Variants in SOX5 observed in about 807,000 individuals in gnomAD.
SOX5 encodes SRY-box transcription factor 5, also known as transcription factor SOX-5.
A neutral mutation model predicts 92.0 loss-of-function variants in SOX5; 9 were observed. That is an observed-to-expected ratio of 0.10 (90% CI 0.06 to 0.17). The LOEUF is 0.17. SOX5 is among the 10% of genes least tolerant of loss of function. SOX5 has a pLI of 1.00. For synonymous variants in SOX5, 344 were observed against 336.3 expected, an observed-to-expected ratio of 1.02 and a Z score of -0.25; for missense variants, 642 against 944.5, an observed-to-expected ratio of 0.68 and a Z score of 4.20.
chr12:24,145,291 G>A (rs66614495), intron 4 of SOX5, among the ~76,000 whole-genome samples: 17,365 of 151,596 alleles, frequency 0.11, 1,299 homozygotes, highest in East Asian at 0.34. Context: ...AAAACAAATG[G>A]GACAAATAGA....
chr12:23,860,016 G>A (rs1010686934), intron 2 of SOX5, among the ~76,000 whole-genome samples: 5 of 152,130 alleles, frequency 3.3e-5, no homozygotes, highest in African/African-American at 1.2e-4. Context: ...GAAACTGGAG[G>A]CTATCACTGT....
intron 4 of SOX5, among the ~76,000 whole-genome samples, chr12:24,098,734 T>C (rs1470576723): frequency 6.6e-6 from 1 of 152,094 alleles, no homozygotes; most frequent in Admixed American, 6.6e-5. Context: ...CTCTCTTCCA[T>C]CCCTCTCCCA....
intron 4 of SOX5, among the ~76,000 whole-genome samples, chr12:24,144,332 C>T (rs936075031): frequency 6.6e-6 from 1 of 152,016 alleles, no homozygotes; most frequent in African/African-American, 2.4e-5. Context: ...TAATAACATA[C>T]CAAATGAAAA....
At chr12:23,931,618 C>A (rs1004901419) in intron 1 of SOX5, among the ~76,000 whole-genome samples, 19 of 151,546 alleles carry the variant, frequency 1.3e-4, no homozygotes, top group African/African-American at 4.1e-4. Flanking sequence ...AAGAGAATAG[C>A]CTGTACTTGC....
At chr12:23,790,302 G>C (rs1161967219) in intron 3 of SOX5, among the ~76,000 whole-genome samples, 1 of 151,932 alleles carries the variant, frequency 6.6e-6, no homozygotes, top group African/African-American at 2.4e-5. Context: ...TATCTTAAGT[G>C]TCATGATTTG....
At chr12:24,025,091 A>G (rs1435149229) in intron 4 of SOX5, among the ~76,000 whole-genome samples, 2 of 152,086 alleles carry the variant, frequency 1.3e-5, no homozygotes, top group Non-Finnish European at 2.9e-5. Context: ...ACCTGTAGAA[A>G]ATACTTCAAA....
intron 4 of SOX5, among the ~76,000 whole-genome samples, chr12:24,092,224 C>A (rs76264098): frequency 6.7e-6 from 1 of 148,904 alleles, no homozygotes; most frequent in Non-Finnish European, 1.5e-5. Context: ...TCATTGTCTT[C>A]TCTTTCTGCT....
intron 3 of SOX5, among the ~76,000 whole-genome samples, chr12:24,276,156 G>A (rs1045336004): frequency 2.0e-5 from 3 of 151,830 alleles, no homozygotes; most frequent in Admixed American, 1.3e-4. Context: ...GAATAATTTG[G>A]TTGTGACTTA....
intron 4 of SOX5, among the ~76,000 whole-genome samples, chr12:24,173,595 G>A (rs549089233): frequency 6.6e-6 from 1 of 152,254 alleles, no homozygotes; most frequent in South Asian, 2.1e-4. Flanking sequence ...ACATGGTGAG[G>A]TTAAGAGCTA....
intron 4 of SOX5, among the ~76,000 whole-genome samples, chr12:24,182,188 A>G (rs536552703): frequency 5.9e-5 from 9 of 152,326 alleles, no homozygotes; most frequent in African/African-American, 1.7e-4. Flanking sequence ...ACTTTCCAAA[A>G]GGACAAAAAG....
At chr12:24,544,282 T>C (rs1358049075) in intron 1 of SOX5, among the ~76,000 whole-genome samples, 2 of 152,176 alleles carry the variant, frequency 1.3e-5, no homozygotes, top group Admixed American at 1.3e-4. Context: ...ATATTTAAAA[T>C]TCCAAAAAGA....
intron 10 of SOX5, among the ~76,000 whole-genome samples, chr12:23,568,676 G>A (rs938761546): frequency 6.6e-6 from 1 of 151,922 alleles, no homozygotes; most frequent in African/African-American, 2.4e-5. Flanking sequence ...AGTAATTTAA[G>A]GTCTCTCCTT....
intron 11 of SOX5, among the ~76,000 whole-genome samples, chr12:23,553,310 C>T (rs977622090): frequency 2.0e-5 from 3 of 151,952 alleles, no homozygotes; most frequent in Admixed American, 6.6e-5. Flanking sequence ...TTACACGTCC[C>T]CATTCAACAT....
At chr12:24,161,715 T>A (rs1463749167) in intron 4 of SOX5, among the ~76,000 whole-genome samples, 1 of 152,060 alleles carries the variant, frequency 6.6e-6, no homozygotes, top group East Asian at 1.9e-4. Flanking sequence ...TAATTTAAAT[T>A]GTCATCCATA....
At chr12:23,997,972 G>T (rs1400193802) in intron 4 of SOX5, among the ~76,000 whole-genome samples, 1 of 152,070 alleles carries the variant, frequency 6.6e-6, no homozygotes, top group Non-Finnish European at 1.5e-5. Flanking sequence ...GGGGTGCAAG[G>T]TGAAGAGGTC....
chr12:24,546,122 G>A (rs550341226), intron 1 of SOX5, among the ~76,000 whole-genome samples: 2 of 152,168 alleles, frequency 1.3e-5, no homozygotes, highest in Non-Finnish European at 2.9e-5. Flanking sequence ...ATTGGGCCCT[G>A]AATATTAACT....
At chr12:24,400,022 T>C (rs930263208) in intron 1 of SOX5, among the ~76,000 whole-genome samples, 5 of 152,204 alleles carry the variant, frequency 3.3e-5, no homozygotes, top group Non-Finnish European at 5.9e-5. Context: ...CTTAGAAATA[T>C]ACCCATTAAA....
At chr12:24,226,464 T>C (rs1380957880) in intron 3 of SOX5, among the ~76,000 whole-genome samples, 1 of 152,018 alleles carries the variant, frequency 6.6e-6, no homozygotes, top group Non-Finnish European at 1.5e-5. Context: ...TTCCTCATTA[T>C]TTTATTTATT....
At chr12:23,801,453 G>C (rs771997314) in intron 3 of SOX5, among the ~76,000 whole-genome samples, 1 of 152,106 alleles carries the variant, frequency 6.6e-6, no homozygotes, top group African/African-American at 2.4e-5. Flanking sequence ...GGCTTATCCA[G>C]TAGATTATCT....
Sources: allele counts gnomAD v4.1 joint callset (sites outside exome capture counted in the v4.1 genomes callset), GRCh38; gene constraint gnomAD v4.1.1; transcripts MANE v1.5; gene names NCBI Gene and HGNC (gene_info 2026-07-23, HGNC 2026-07-21).